The following FAH variants were observed in gnomAD, a reference collection of about 807,000 sequenced individuals.
FAH encodes the protein fumarylacetoacetate hydrolase, also known as fumarylacetoacetase.
Under a neutral mutation model 55.8 loss-of-function variants are expected in FAH, and 47 were observed. That is an observed-to-expected ratio of 0.84 (90% CI 0.67 to 1.07). The LOEUF is 1.07. Among genes scored for constraint, FAH ranks in the 50% least tolerant of loss-of-function variants. The pLI, the probability that FAH is intolerant of heterozygous loss-of-function variation, is 0.00. For missense variants in FAH, 495 were observed against 545.9 expected (o/e 0.91, Z 0.93); for synonymous variants, 199 against 207.7 (o/e 0.96, Z 0.36).
chr15:80,171,275 A>C (rs1180209899), intron 7 of FAH, among the ~76,000 whole-genome samples: 1 of 151,816 alleles, frequency 6.6e-6, no homozygotes, highest in East Asian at 1.9e-4. Flanking sequence ...CTGGATTAAG[A>C]AAATGTGGCA....
chr15:80,164,584 A>G (rs2041176441), intron 5 of FAH, among the ~76,000 whole-genome samples: 1 of 152,150 alleles, frequency 6.6e-6, no homozygotes, highest in African/African-American at 2.4e-5. Context: ...TTATGCATAC[A>G]TTAGTTCCAT....
intron 5 of FAH, among the ~76,000 whole-genome samples, chr15:80,165,303 C>T (rs935129736): frequency 5.3e-5 from 8 of 151,386 alleles, no homozygotes; most frequent in African/African-American, 7.3e-5. Flanking sequence ...CCGAGACGGG[C>T]GGATCACCTG....
chr15:80,173,194 G>C, intron 9 of FAH, 50 bp downstream of exon 9: 1 of 1,613,644 alleles, frequency 6.2e-7, no homozygotes, highest in Non-Finnish European at 8.5e-7. Flanking sequence ...TGCTGCCTCT[G>C]AGGCTGCTTG....
chr15:80,173,478 C>T, intron 9 of FAH: 1 of 428,966 alleles, frequency 2.3e-6, no homozygotes. Flanking sequence ...CCCAGGTGGC[C>T]ATCAAATCTT....
At chr15:80,159,325 G>A (rs986891361) in intron 2 of FAH, among the ~76,000 whole-genome samples, 3 of 151,432 alleles carry the variant, frequency 2.0e-5, no homozygotes, top group East Asian at 1.9e-4. Context: ...CCTCCACCTC[G>A]GCCTCCCAAT....
intron 3 of FAH, chr15:80,160,178 G>A: frequency 3.1e-6 from 2 of 643,078 alleles, no homozygotes; most frequent in Non-Finnish European, 2.8e-6. Context: ...TCTAGAGTAG[G>A]AAAGAGTTTC....
At chr15:80,158,246 C>T (rs368425713) in intron 2 of FAH, 76 bp downstream of exon 2, 20 of 1,021,988 alleles carry the variant, frequency 2.0e-5, no homozygotes, top group African/African-American at 1.4e-4. Flanking sequence ...ATGCTCCTTG[C>T]GTTCCATTTC....
intron 13 of FAH, among the ~76,000 whole-genome samples, chr15:80,182,289 A>G (rs2041337533): frequency 1.3e-5 from 2 of 152,162 alleles, no homozygotes; most frequent in African/African-American, 4.8e-5. Flanking sequence ...ACATCTCCAG[A>G]AAATTTACTA....
chr15:80,152,945 G>C, upstream of FAH: 1 of 919,664 alleles, frequency 1.1e-6, no homozygotes, highest in Non-Finnish European at 1.7e-6. Flanking sequence ...ACCCGGACAG[G>C]CCGTGGGGGC....
intron 3 of FAH, 146 bp from the exon 4 acceptor site, chr15:80,160,264 G>A (rs1025555518): frequency 1.2e-6 from 1 of 811,504 alleles, no homozygotes; most frequent in Non-Finnish European, 2.1e-6. Context: ...AGCTGTGAAA[G>A]GTTCAGCATA....
At chr15:80,178,687 C>A (rs907826781) in intron 11 of FAH, among the ~76,000 whole-genome samples, 2 of 151,792 alleles carry the variant, frequency 1.3e-5, no homozygotes. Flanking sequence ...GGGTTCATGC[C>A]ATTCTCCTGC....
intron 4 of FAH, among the ~76,000 whole-genome samples, chr15:80,161,916 T>A (rs766232902): frequency 3.9e-5 from 6 of 152,068 alleles, no homozygotes; most frequent in Non-Finnish European, 7.4e-5. Context: ...AGGGAGCCTG[T>A]GGGAACTCGG....
At position 80,180,187 on chromosome 15, in the gene FAH, C is replaced by T. The variant is rs755025971; in HGVS notation, c.1024C>T (p.Pro342Ser). The change falls in exon 12 of 14, where the codon CCG (proline) becomes TCG (serine). Residue 342 changes from proline to serine, a missense_variant. Transcript: ENST00000561421. ...HHSVNGCNLR[P>S]GDLLASGTIS... ...CTCTGTCAACGGCTGCAACCTGCGGCCGGGGGACCTCCTGGCTTCTGGGAC... is the reference window on the plus strand; with the variant it reads ...CTCTGTCAACGGCTGCAACCTGCGGTCGGGGGACCTCCTGGCTTCTGGGAC... 1.2e-6 allele frequency: 2 copies of T among 1,609,802 alleles called. No homozygotes were observed. The highest frequency in any genetic ancestry group is 2.2e-5 in the South Asian group (2 of 91,086).
intron 13 of FAH, among the ~76,000 whole-genome samples, chr15:80,182,021 A>G (rs898214567): frequency 7.2e-5 from 11 of 152,202 alleles, no homozygotes; most frequent in African/African-American, 2.4e-4. Context: ...TCACAGCTCT[A>G]TAAGGTACAA....
intron 1 of FAH, among the ~76,000 whole-genome samples, chr15:80,155,552 G>A (rs1213590052): frequency 6.6e-6 from 1 of 152,126 alleles, no homozygotes; most frequent in Non-Finnish European, 1.5e-5. Context: ...GGGCTTAGCG[G>A]GTTTTCTCCC....
In FAH at chr15:80,173,504, C is replaced by T. The variant is rs141979187; in HGVS notation, c.837+360C>T. On this transcript the variant is annotated intron_variant, in intron 9 of 13. Coordinates refer to ENST00000561421, the MANE Select transcript of FAH (RefSeq NM_000137.4). ...ATCAAATCTTGTTCTGTGCAAATGG[C>T]GCCACCTGGACCCCAACTCATAGAA... The T allele has an allele frequency of 3.5e-3, 1,351 of 382,440 alleles. 4 individuals carry two copies. Among genetic ancestry groups the T allele is most frequent in the Middle Eastern group, 6.9e-3 (8 of 1,152 alleles). The allele number at this position is 382,440 out of a possible 1,614,324, so 23.7% of individuals were successfully genotyped here. A position where few individuals can be genotyped will look rare whatever the true frequency, so the allele number is the denominator to read the frequency against.
intron 7 of FAH, 72 bp downstream of exon 7, chr15:80,168,388 C>G (rs1379033376): frequency 1.1e-5 from 16 of 1,511,798 alleles, no homozygotes; most frequent in Non-Finnish European, 1.4e-5. Context: ...GGGATGGCTC[C>G]CCGCACCATG....
intron 4 of FAH, 53 bp from the exon 5 acceptor site, chr15:80,162,193 C>G: frequency 7.2e-7 from 1 of 1,395,090 alleles, no homozygotes; most frequent in Non-Finnish European, 1.0e-6. Flanking sequence ...ACAGTCCATT[C>G]TTCCTGAGGC....
chr15:80,175,191 C>T (rs754509606), intron 10 of FAH, 100 bp downstream of exon 10: 24 of 1,031,212 alleles, frequency 2.3e-5, no homozygotes, highest in African/African-American at 9.4e-5. Context: ...GGTGAGGGCA[C>T]GTGCTACAGC....
Sources: allele counts gnomAD v4.1 joint callset (sites outside exome capture counted in the v4.1 genomes callset), GRCh38; gene constraint gnomAD v4.1.1; transcripts MANE v1.5; gene names NCBI Gene and HGNC (gene_info 2026-07-23, HGNC 2026-07-21).